BIN1: variants seen among roughly 807,000 people sequenced by gnomAD.
BIN1 encodes the protein bridging integrator 1.
A neutral mutation model predicts 82.0 loss-of-function variants in BIN1; 53 were observed. The ratio of observed to expected loss-of-function variants is 0.65; its 90% CI spans 0.52 to 0.81. The LOEUF is 0.81. Ranked by LOEUF, BIN1 falls within the 40% of genes least tolerant of loss-of-function variation. The probability of loss-of-function intolerance (pLI) is 0.00; values close to 1 mark genes in which losing one functional copy is unlikely to be tolerated. For missense variants in BIN1, 642 were observed against 784.4 expected (o/e 0.82, Z 2.17); for synonymous variants, 302 against 328.0 (o/e 0.92, Z 0.86).
At chr2:127,075,564 C>T (rs1278527026) in intron 2 of BIN1, among the ~76,000 whole-genome samples, 1 of 152,200 alleles carries the variant, frequency 6.6e-6, no homozygotes, top group Non-Finnish European at 1.5e-5. Flanking sequence ...GCTAAGGGGG[C>T]TCCCCAATCC....
Position 127,062,116 on chromosome 2 carries a change from T to G in BIN1, c.856A>C (p.Ser286Arg). Residue 286 changes from serine (S) to arginine (R), a missense_variant and splice_region_variant, in exon 10 of 19, where the codon AGT (serine) becomes CGT (arginine). Physicochemically the swap from Ser to Arg is moderately radical, Grantham distance 110 (BLOSUM62 -1). Transcript: ENST00000316724. Reference protein sequence around the residue: ...SNTFTVKAQPSDNAPAKGNKS... With the variant: ...SNTFTVKAQPRDNAPAKGNKS... ...CGCCAGGGCTCTCCCCGCACGCACC[T>G]GGGCTGGGCCTTGACCGTGAAGGTG... is the stretch of plus-strand genomic sequence containing the variant. The G allele has an allele frequency of 6.2e-7, 1 of 1,606,316 alleles. No individual in the cohort carries two copies. Among genetic ancestry groups the G allele is most frequent in the East Asian group, 2.2e-5 (1 of 44,702 alleles).
In BIN1 at chr2:127,070,580, G is replaced by A; in HGVS notation, c.288C>T (p.Gly96=). 6.2e-7 allele frequency: 1 copy of A among 1,614,064 alleles called. No homozygotes were observed. ...LQEVYEPDWP[G]RDEANKIAEN... is the part of the protein sequence containing the mutation. ...CTGCGATCTTGTTTGCCTCATCCCT[G>A]CCGGGCCAATCGGGCTCATACACCT... is the stretch of plus-strand genomic sequence containing the variant. The change falls in exon 4 of 19, where the codon GGC becomes GGT. Residue 96 remains glycine (G), a synonymous_variant. Coordinates refer to ENST00000316724, the MANE Select transcript of BIN1 (RefSeq NM_139343.3).
In BIN1 at chr2:127,057,419, C is replaced by T. The variant is rs377021053; in HGVS notation, c.1131+54G>A. 4,017 of 1,507,606 alleles carry T rather than the reference C, an allele frequency of 2.7e-3. 10 individuals are homozygous for T. The highest frequency in any genetic ancestry group is 3.3e-3 in the Non-Finnish European group (3,695 of 1,125,424). The allele number at this position is 1,507,606 out of a possible 1,614,324, so 93.4% of individuals were successfully genotyped here. On this transcript the variant is annotated intron_variant, in intron 12 of 18. Coordinates refer to ENST00000316724, the MANE Select transcript of BIN1 (RefSeq NM_139343.3). This position sits in a 1 kb window ranked among gnomAD's most constrained non-coding sequence, Gnocchi z 5.0. ...AAGCATAGAGGATGAAGGCCATGCA[C>T]GCCCTGAGAGGGCAGGAAGAGAGGA...
Position 127,106,962 on chromosome 2 carries a change from C to G in BIN1, c.-19G>C. Reference sequence around the variant, plus strand: ...CTGCCATCGCGGCGCAGGCCTCGCCCGGTGGCAGGGGCCGCTCTCGCGCGG... The same window carrying G: ...CTGCCATCGCGGCGCAGGCCTCGCCGGGTGGCAGGGGCCGCTCTCGCGCGG... On this transcript the variant is annotated 5_prime_UTR_variant, in exon 1 of 19. Transcript: ENST00000316724. The G allele has an allele frequency of 1.2e-6, 2 of 1,605,084 alleles. No homozygotes were observed. Among genetic ancestry groups the G allele is most frequent in the African/African-American group, 1.3e-5 (1 of 74,086 alleles).
At chr2:127,051,961 G>T (rs922939056) in intron 15 of BIN1, among the ~76,000 whole-genome samples, 2 of 152,242 alleles carry the variant, frequency 1.3e-5, no homozygotes, top group Non-Finnish European at 2.9e-5. Context: ...TAAATGAGAA[G>T]ATTCTGGAAA....
chr2:127,084,691 G>C (rs75023436), intron 1 of BIN1, among the ~76,000 whole-genome samples: 12 of 152,364 alleles, frequency 7.9e-5, no homozygotes, highest in African/African-American at 2.9e-4. Context: ...AGAAGCGACC[G>C]AGCTCAGATT....
At position 127,057,448 on chromosome 2, in the gene BIN1, C is replaced by T; in HGVS notation, c.1131+25G>A. 6.5e-7 allele frequency: 1 copy of T among 1,539,212 alleles called. No individual in the cohort carries two copies. The highest frequency in any genetic ancestry group is 8.8e-7 in the Non-Finnish European group (1 of 1,140,892). ...CTGAGAGGGCAGGAAGAGAGGAGAG[C>T]TGGGCCGCGGCGGCCGCGGCTGACC... On this transcript the variant is annotated intron_variant, in intron 12 of 18. Transcript: ENST00000316724. This position sits in a 1 kb window ranked among gnomAD's most constrained non-coding sequence, Gnocchi z 5.0.
intron 1 of BIN1, among the ~76,000 whole-genome samples, chr2:127,100,114 CT>C (rs1680125209): frequency 6.6e-6 from 1 of 152,164 alleles, no homozygotes; most frequent in African/African-American, 2.4e-5. Flanking sequence ...CAAGAGTGTT[CT>C]TTTAGACTGG....
At chr2:127,069,247 C>T (rs1012828336) in intron 5 of BIN1, among the ~76,000 whole-genome samples, 5 of 152,186 alleles carry the variant, frequency 3.3e-5, no homozygotes, top group Admixed American at 2.6e-4. Flanking sequence ...GCACATGAGC[C>T]CATGTGTCCG....
At chr2:127,052,485 G>A in intron 14 of BIN1, 123 bp from the exon 15 acceptor site, 1 of 892,204 alleles carries the variant, frequency 1.1e-6, no homozygotes, top group Non-Finnish European at 1.7e-6. Context: ...GGGGCAGGGT[G>A]GGTACCAGCG....
At chr2:127,073,346 A>C (rs1317442290) in intron 2 of BIN1, among the ~76,000 whole-genome samples, 1 of 152,216 alleles carries the variant, frequency 6.6e-6, no homozygotes, top group Non-Finnish European at 1.5e-5. Context: ...CTAAACAGGG[A>C]TCTGAGAAAG....
At chr2:127,070,210 C>T in intron 4 of BIN1, 120 bp from the exon 5 acceptor site, 1 of 796,982 alleles carries the variant, frequency 1.3e-6, no homozygotes, top group Non-Finnish European at 2.1e-6. Context: ...CTTCTCAGAG[C>T]CTCAGTTTCC....
chr2:127,096,046 G>A (rs1347405989), intron 1 of BIN1, among the ~76,000 whole-genome samples: 4 of 152,156 alleles, frequency 2.6e-5, no homozygotes, highest in Non-Finnish European at 4.4e-5. Flanking sequence ...TACATAGCAG[G>A]TTCCTCCAGT....
chr2:127,062,480 C>T (rs1186905020), intron 9 of BIN1, among the ~76,000 whole-genome samples: 2 of 152,282 alleles, frequency 1.3e-5, no homozygotes, highest in Non-Finnish European at 2.9e-5. Context: ...AGAGCTTGCA[C>T]TGTTTTTACA....
chr2:127,050,291 T>C, intron 18 of BIN1, 130 bp downstream of exon 18: 4 of 907,456 alleles, frequency 4.4e-6, no homozygotes, highest in Non-Finnish European at 7.1e-6. Context: ...GGAGGAGCAG[T>C]TGGCGCGGGA....
rs1266569549 is a variant in BIN1, at chr2:127,057,952, C to T, written c.1003-351G>A. Among the ~76,000 whole-genome samples, 1 of 152,130 alleles carries T rather than the reference C, an allele frequency of 6.6e-6. No individual in the cohort carries two copies. Among genetic ancestry groups the T allele is most frequent in the African/African-American group, 2.4e-5 (1 of 41,428 alleles). ...GTGGGAGGGGCTGGCTCCCACTGGCCTGGTGAGAAGACTGGGGAAGCAAAC... is the reference window on the plus strand; with the variant it reads ...GTGGGAGGGGCTGGCTCCCACTGGCTTGGTGAGAAGACTGGGGAAGCAAAC... On this transcript the variant is annotated intron_variant, in intron 11 of 18. Transcript: ENST00000316724. This position sits in a 1 kb window ranked among gnomAD's most constrained non-coding sequence, Gnocchi z 5.0.
intron 10 of BIN1, among the ~76,000 whole-genome samples, chr2:127,060,144 G>C (rs982584267): frequency 6.6e-6 from 1 of 152,146 alleles, no homozygotes; most frequent in African/African-American, 2.4e-5. Flanking sequence ...AAGAGATGTC[G>C]CTGACACCAT....
At chr2:127,102,165 T>C (rs1680436726) in intron 1 of BIN1, among the ~76,000 whole-genome samples, 1 of 152,180 alleles carries the variant, frequency 6.6e-6, no homozygotes, top group South Asian at 2.1e-4. Context: ...TGCACGCCTG[T>C]GCATGCTGTT....
chr2:127,086,481 T>C (rs2105235481), intron 1 of BIN1, among the ~76,000 whole-genome samples: 1 of 151,728 alleles, frequency 6.6e-6, no homozygotes, highest in East Asian at 2.0e-4. Flanking sequence ...AGGCCTGGCC[T>C]CGCCCCCACA....
Sources: allele counts gnomAD v4.1 joint callset (sites outside exome capture counted in the v4.1 genomes callset), GRCh38; gene constraint gnomAD v4.1.1; non-coding constraint Gnocchi (gnomAD v3.1); transcripts MANE v1.5; gene names NCBI Gene and HGNC (gene_info 2026-07-23, HGNC 2026-07-21).